The following PDE4DIP variants were observed in gnomAD, a reference collection of about 807,000 sequenced individuals.
PDE4DIP encodes the protein myomegalin.
A neutral mutation model predicts 221.4 loss-of-function variants in PDE4DIP; 59 were observed. That is an observed-to-expected ratio of 0.27 (90% CI 0.22 to 0.33). The LOEUF (loss-of-function observed/expected upper bound fraction) is 0.33. Among genes scored for constraint, PDE4DIP ranks in the 10% least tolerant of loss-of-function variants. The probability of loss-of-function intolerance (pLI) is 1.00; values close to 1 mark genes in which losing one functional copy is unlikely to be tolerated. For synonymous variants in PDE4DIP, 404 were observed against 815.9 expected (o/e 0.50, Z 8.60); for missense variants, 1,036 against 2,154.2 (o/e 0.48, Z 10.28).
chr1:148,996,424 G>A (rs2064234106), intron 22 of PDE4DIP, among the ~76,000 whole-genome samples: 1 of 152,152 alleles, frequency 6.6e-6, no homozygotes, highest in African/African-American at 2.4e-5. Context: ...AATGCTGGGG[G>A]CACATATGGA....
chr1:148,930,050 G>A (rs1443971503), intron 2 of PDE4DIP: 1 of 151,336 alleles, frequency 6.6e-6, no homozygotes, highest in Non-Finnish European at 1.5e-5. Flanking sequence ...TCCGTGATAG[G>A]GAGAAGACTT....
At chr1:148,932,591 CA>C (rs2048312318) in intron 4 of PDE4DIP, 1 of 504,744 alleles carries the variant, frequency 2.0e-6, no homozygotes, top group Admixed American at 3.3e-5. Context: ...GCATGTGTTA[CA>C]GAAACAAAAG....
At chr1:148,836,134 C>T (rs1553373291) in intron 1 of PDE4DIP, among the ~76,000 whole-genome samples, 1 of 144,464 alleles carries the variant, frequency 6.9e-6, no homozygotes. Context: ...TCGGCAATGG[C>T]AGGTGCCCCT....
chr1:149,014,768 G>T (rs1320545896), intron 32 of PDE4DIP, among the ~76,000 whole-genome samples: 23 of 148,340 alleles, frequency 1.6e-4, no homozygotes, highest in African/African-American at 5.7e-4. Context: ...GGACAGTGGT[G>T]CATGGTGGCC....
intron 20 of PDE4DIP, among the ~76,000 whole-genome samples, 177 bp from the exon 24 acceptor site, chr1:148,981,093 A>G (rs1393450768): frequency 4.6e-5 from 7 of 152,216 alleles, no homozygotes; most frequent in African/African-American, 1.2e-4. Flanking sequence ...TTACTAATCT[A>G]TCAGCAGTGA....
chr1:148,960,703 C>G (rs1553508445), exon 6 of PDE4DIP: 2 of 512,542 alleles, frequency 3.9e-6, no homozygotes, highest in Non-Finnish European at 6.7e-6. Context: ...TCACATGAGA[C>G]CACTATAACT....
intron 36 of PDE4DIP, chr1:149,020,805 G>T (rs2072539042): frequency 7.3e-6 from 4 of 549,622 alleles, no homozygotes; most frequent in Middle Eastern, 5.0e-4. Flanking sequence ...AGGTAATGGT[G>T]TGTTTTCAAG....
intron 3 of PDE4DIP, among the ~76,000 whole-genome samples, chr1:148,883,195 C>G (rs1553426727): frequency 6.6e-6 from 1 of 150,794 alleles, no homozygotes; most frequent in African/African-American, 2.5e-5. Flanking sequence ...CCACGCTACC[C>G]ACCCTAGATA....
At chr1:148,976,546 C>T (rs2060206553) in intron 17 of PDE4DIP, among the ~76,000 whole-genome samples, 1 of 152,004 alleles carries the variant, frequency 6.6e-6, no homozygotes, top group East Asian at 1.9e-4. Context: ...ATATGGGGAC[C>T]TTCTCTAAGC....
At chr1:148,975,113 G>A (rs1243648220) in intron 17 of PDE4DIP, among the ~76,000 whole-genome samples, 3 of 147,086 alleles carry the variant, frequency 2.0e-5, no homozygotes, top group Non-Finnish European at 3.0e-5. Flanking sequence ...AGAGGTTGCA[G>A]TGAGCTGAGA....
At chr1:148,998,659 G>T (rs587600753) in intron 23 of PDE4DIP, among the ~76,000 whole-genome samples, 19 of 147,490 alleles carry the variant, frequency 1.3e-4, no homozygotes, top group Admixed American at 1.3e-3. Flanking sequence ...TGACCAAAAC[G>T]TATAAGGAAT....
chr1:148,968,977 A>G (rs1553521649), exon 14 of PDE4DIP: 3 of 1,610,890 alleles, frequency 1.9e-6, no homozygotes, highest in Non-Finnish European at 2.5e-6. Context: ...GGAACATGAA[A>G]TGGAGATTCA....
intron 38 of PDE4DIP, chr1:149,025,937 G>GCCCT (rs2075021444): frequency 6.6e-6 from 1 of 152,170 alleles, no homozygotes; most frequent in Admixed American, 6.5e-5. Flanking sequence ...TGGACACCTT[G>GCCCT]CCCTCCTCTG....
chr1:148,862,160 C>T (rs1411177560), intron 1 of PDE4DIP, among the ~76,000 whole-genome samples: 6 of 148,726 alleles, frequency 4.0e-5, no homozygotes, highest in African/African-American at 1.5e-4. Context: ...CCAGCTCTCC[C>T]TATCCACATT....
At chr1:149,031,944 G>T (rs781812056) in exon 44 of PDE4DIP, 1 of 1,606,450 alleles carries the variant, frequency 6.2e-7, no homozygotes, top group Non-Finnish European at 8.5e-7. Context: ...TTGTCTGCAG[G>T]TGAAATCCCT....
chr1:148,979,774 G>A (rs1553540599), exon 20 of PDE4DIP: 1 of 1,613,650 alleles, frequency 6.2e-7, no homozygotes, highest in Admixed American at 1.7e-5. Context: ...GATGAACGGA[G>A]TCGGCTCAAT....
At chr1:148,981,505 T>C (rs1443374556) in intron 21 of PDE4DIP, 108 bp downstream of exon 24, 1 of 1,367,904 alleles carries the variant, frequency 7.3e-7, no homozygotes, top group Non-Finnish European at 1.0e-6. Flanking sequence ...ACCAGAAAGA[T>C]CCTTGTCTGA....
At position 148,858,427 on chromosome 1, in the gene PDE4DIP, A is replaced by G. The variant is rs1165972556; in HGVS notation, c.234-4823A>G. ...AAATATATATATATATATATAAAGA[A>G]GCTTGAAAGCTAGAAAACGCCTCTG... On this transcript the variant is annotated intron_variant, in intron 1 of 45. Coordinates refer to the PDE4DIP transcript ENST00000524974. Among the ~76,000 whole-genome samples the G allele has an allele frequency of 4.4e-5, 5 of 112,590 alleles. 2 individuals are homozygous for G. The highest frequency in any genetic ancestry group is 8.7e-5 in the Non-Finnish European group (5 of 57,360). The allele number at this position is 112,590 out of a possible 152,430, so 73.9% of individuals were successfully genotyped here. A position where few individuals can be genotyped will look rare whatever the true frequency, so the allele number is the denominator to read the frequency against.
intron 5 of PDE4DIP, among the ~76,000 whole-genome samples, chr1:148,946,601 A>C (rs1426725711): frequency 1.4e-5 from 2 of 141,942 alleles, no homozygotes; most frequent in Non-Finnish European, 3.1e-5. Flanking sequence ...TTCCTAAAAA[A>C]AGGTTTTCAT....
Sources: allele counts gnomAD v4.1 joint callset (sites outside exome capture counted in the v4.1 genomes callset), GRCh38; gene constraint gnomAD v4.1.1; transcripts MANE v1.5; gene names NCBI Gene and HGNC (gene_info 2026-07-23, HGNC 2026-07-21).